SPECC1: variants seen among roughly 807,000 people sequenced by gnomAD.
SPECC1 encodes sperm antigen with calponin homology and coiled-coil domains 1, also known as cytospin-B.
SPECC1 carries 62 observed loss-of-function variants against 104.1 expected under a neutral mutation model. That is an observed-to-expected ratio of 0.60 (90% CI 0.49 to 0.74). The LOEUF is 0.74. SPECC1 is among the 30% of genes least tolerant of loss of function. The pLI is 0.00. For synonymous variants in SPECC1, 513 were observed against 501.6 expected, an observed-to-expected ratio of 1.02 and a Z score of -0.30; for missense variants, 1,306 against 1,310.5, an observed-to-expected ratio of 1.00 and a Z score of 0.05.
chr17:20,110,628 G>A (rs2048442189), intron 3 of SPECC1, 66 bp downstream of exon 3: 2 of 1,457,892 alleles, frequency 1.4e-6, no homozygotes, highest in Admixed American at 5.1e-5. Flanking sequence ...GCACTTCAGT[G>A]ACCCATGACC....
At chr17:20,026,311 TATC>T (rs1271819236) in intron 1 of SPECC1, among the ~76,000 whole-genome samples, 4 of 152,120 alleles carry the variant, frequency 2.6e-5, no homozygotes, top group African/African-American at 7.2e-5. Context: ...CACAAACATT[TATC>T]ATTCCTTTGT....
At chr17:20,016,546 G>A (rs2044135456) in intron 1 of SPECC1, among the ~76,000 whole-genome samples, 1 of 152,154 alleles carries the variant, frequency 6.6e-6, no homozygotes, top group Admixed American at 6.5e-5. Flanking sequence ...GGCTTGGCGG[G>A]CCCCGCACTG....
At chr17:20,029,058 A>T (rs1567801531) in intron 1 of SPECC1, among the ~76,000 whole-genome samples, 1 of 152,138 alleles carries the variant, frequency 6.6e-6, no homozygotes, top group Non-Finnish European at 1.5e-5. Context: ...CGCCACCCCC[A>T]GCCTCATCTG....
chr17:20,188,566 C>G (rs1221138872), intron 3 of SPECC1, among the ~76,000 whole-genome samples: 1 of 152,198 alleles, frequency 6.6e-6, no homozygotes, highest in African/African-American at 2.4e-5. Context: ...CGTGAGCCAC[C>G]GTGCCCGGCT....
chr17:20,308,551 G>C (rs1457524739), intron 14 of SPECC1, among the ~76,000 whole-genome samples: 1 of 152,092 alleles, frequency 6.6e-6, no homozygotes, highest in Non-Finnish European at 1.5e-5. Flanking sequence ...AAAAATACAA[G>C]TATGTTTCTT....
chr17:20,041,013 CCCTT>C (rs967001931), intron 1 of SPECC1, among the ~76,000 whole-genome samples: 1 of 151,614 alleles, frequency 6.6e-6, no homozygotes, highest in Non-Finnish European at 1.5e-5. Context: ...CTCCCTCCTT[CCCTT>C]CCTTCCTTCC....
intron 14 of SPECC1, 105 bp downstream of exon 14, chr17:20,306,187 A>T: frequency 9.3e-7 from 1 of 1,078,676 alleles, no homozygotes; most frequent in Non-Finnish European, 1.4e-6. Flanking sequence ...CTGTTTGCCG[A>T]AAGTCTGTTG....
In SPECC1 at chr17:20,142,007, A is replaced by G. The variant is rs565203347; in HGVS notation, c.283+31445A>G. Among the ~76,000 whole-genome samples the G allele has an allele frequency of 2.6e-5, 4 of 152,286 alleles. 1 individual carries two copies. In the South Asian group the frequency reaches 8.3e-4, roughly 32 times the overall value. On this transcript the variant is annotated intron_variant, in intron 3 of 14. Transcript: ENST00000395527. ...TGAGCTTTTTCCCCTCTTTCAGAAT[A>G]TGGAAAACTTGAATAGTGTCATGTA...
At chr17:20,056,399 C>A in intron 1 of SPECC1, 1 of 185,440 alleles carries the variant, frequency 5.4e-6, no homozygotes, top group East Asian at 1.3e-4. Context: ...GACTGGCGTC[C>A]GGAGAAGGGC....
chr17:20,280,962 C>CT (rs1227884026), intron 12 of SPECC1, among the ~76,000 whole-genome samples: 1 of 152,232 alleles, frequency 6.6e-6, no homozygotes, highest in Admixed American at 6.5e-5. Context: ...AGTTGAGTCA[C>CT]TTTCCTAAAG....
chr17:20,036,023 G>T (rs2045062895), intron 1 of SPECC1, among the ~76,000 whole-genome samples: 1 of 152,096 alleles, frequency 6.6e-6, no homozygotes. Flanking sequence ...ATGTTGGTCA[G>T]GCTGGTCTCA....
At chr17:20,058,213 A>G (rs2046040790) in intron 1 of SPECC1, among the ~76,000 whole-genome samples, 2 of 152,226 alleles carry the variant, frequency 1.3e-5, no homozygotes, top group African/African-American at 4.8e-5. Context: ...CATTTTAAAT[A>G]TCCTTGCGAG....
chr17:20,051,186 T>TTCTTTCCTTCTTTCCTTTCTTTCCC (rs1238220023), intron 1 of SPECC1, among the ~76,000 whole-genome samples: 1 of 117,082 alleles, frequency 8.5e-6, no homozygotes. Context: ...CTTTCTTTCC[T>TTCTTTCCTTCTTTCCTTTCTTTCCC]TCTCCTTCAG....
intron 3 of SPECC1, among the ~76,000 whole-genome samples, chr17:20,197,451 C>T (rs1348769464): frequency 1.3e-5 from 2 of 152,112 alleles, no homozygotes; most frequent in Admixed American, 6.5e-5. Flanking sequence ...GAATCAAACC[C>T]GAACTGCTAC....
At chr17:20,187,078 C>G (rs1035319742) in intron 3 of SPECC1, among the ~76,000 whole-genome samples, 2 of 151,906 alleles carry the variant, frequency 1.3e-5, no homozygotes, top group African/African-American at 4.8e-5. Context: ...TTGCATTATA[C>G]TTAGCAATTG....
chr17:20,092,228 G>A (rs572164204), intron 1 of SPECC1, among the ~76,000 whole-genome samples: 58 of 150,790 alleles, frequency 3.8e-4, no homozygotes, highest in African/African-American at 1.4e-3. Context: ...CATGGGTGTG[G>A]GGTCCTAGAT....
At position 20,205,177 on chromosome 17, in the gene SPECC1, G is replaced by A. The variant is rs1371118105; in HGVS notation, c.1128G>A (p.Lys376=). The A allele has an allele frequency of 6.2e-7, 1 of 1,614,118 alleles. No homozygotes were observed. The highest frequency in any genetic ancestry group is 8.5e-7 in the Non-Finnish European group (1 of 1,180,038). ...SELSLASLTE[K]IQKMEENHHS... is the part of the protein sequence containing the mutation. ...TGTCCCTGGCTTCCCTCACAGAGAA[G>A]ATACAAAAGATGGAAGAAAACCACC... Residue 376 remains lysine, a synonymous_variant, in exon 4 of 15, where the codon AAG becomes AAA. Coordinates refer to ENST00000395527, the MANE Select transcript of SPECC1 (RefSeq NM_001243439.2).
chr17:20,285,314 G>A (rs1443925267), intron 12 of SPECC1, among the ~76,000 whole-genome samples: 1 of 152,114 alleles, frequency 6.6e-6, no homozygotes, highest in Non-Finnish European at 1.5e-5. Flanking sequence ...TCTTGGATAT[G>A]CACTAAAATT....
rs116925088 is a variant in SPECC1 at position 20,107,074 on chromosome 17, G to A, written c.148-3353G>A. 5.9e-3 allele frequency among the ~76,000 whole-genome samples: 851 copies of A among 145,208 alleles called. 6 individuals carry two copies. Among genetic ancestry groups the A allele is most frequent in the Non-Finnish European group, 8.9e-3 (599 of 67,296 alleles). Reference sequence around the variant, plus strand: ...ACTTGGGAGGATGAGAATCAGGAAGGCAGAGGTTGCAGTGAGCCGAGATCG... The same window carrying A: ...ACTTGGGAGGATGAGAATCAGGAAGACAGAGGTTGCAGTGAGCCGAGATCG... On this transcript the variant is annotated intron_variant, in intron 2 of 14. Transcript: ENST00000395527.
Sources: allele counts gnomAD v4.1 joint callset (sites outside exome capture counted in the v4.1 genomes callset), GRCh38; gene constraint gnomAD v4.1.1; transcripts MANE v1.5; gene names NCBI Gene and HGNC (gene_info 2026-07-23, HGNC 2026-07-21).